Variants in DCAF6 observed in about 807,000 individuals in gnomAD.
The protein encoded by DCAF6 is DDB1 and CUL4 associated factor 6.
A neutral mutation model predicts 125.1 loss-of-function variants in DCAF6; 54 were observed. The observed-to-expected ratio is 0.43, with a 90% CI of 0.35 to 0.54. The LOEUF (loss-of-function observed/expected upper bound fraction) is 0.54, where lower values mean the gene tolerates loss of function less well. DCAF6 is among the 20% of genes least tolerant of loss of function. The probability of loss-of-function intolerance (pLI) is 0.01; values close to 1 mark genes in which losing one functional copy is unlikely to be tolerated. For missense variants in DCAF6, 934 were observed against 1,161.7 expected (o/e 0.80, Z 2.85); for synonymous variants, 371 against 390.4 (o/e 0.95, Z 0.58).
chr1:167,999,116 T>C (rs925974222), intron 7 of DCAF6, among the ~76,000 whole-genome samples: 1 of 152,186 alleles, frequency 6.6e-6, no homozygotes, highest in South Asian at 2.1e-4. Context: ...ATGAAAATGT[T>C]AATCTCCATG....
chr1:168,069,320 A>G (rs1692746434), intron 21 of DCAF6, among the ~76,000 whole-genome samples: 1 of 152,166 alleles, frequency 6.6e-6, no homozygotes, highest in African/African-American at 2.4e-5. Context: ...AAACCTCTGG[A>G]TGATCTAATC....
chr1:167,934,633 A>T (rs527764164), upstream of DCAF6, among the ~76,000 whole-genome samples: 1 of 152,318 alleles, frequency 6.6e-6, no homozygotes, highest in African/African-American at 2.4e-5. Context: ...ACCAGTTCAG[A>T]CTCCAGAGAG....
chr1:167,935,890 CG>C, upstream of DCAF6: 1 of 1,411,804 alleles, frequency 7.1e-7, no homozygotes, highest in East Asian at 2.5e-5. Context: ...GCTGTGTTCT[CG>C]TCCCTGGCTG....
intron 12 of DCAF6, among the ~76,000 whole-genome samples, chr1:168,030,857 G>C (rs1686996112): frequency 6.6e-6 from 1 of 152,210 alleles, no homozygotes; most frequent in Admixed American, 6.5e-5. Flanking sequence ...GAGATTAACA[G>C]GTGACTTTTT....
chr1:167,908,155 GT>G, the DCAF6 span, among the ~76,000 whole-genome samples: 1 of 152,114 alleles, frequency 6.6e-6, no homozygotes, highest in South Asian at 2.1e-4. Flanking sequence ...CAACCTAATT[GT>G]TCATCAACAT....
intron 1 of DCAF6, among the ~76,000 whole-genome samples, chr1:167,947,303 T>C (rs78754160): frequency 0.011 from 1,714 of 151,998 alleles, 27 homozygotes; most frequent in African/African-American, 0.039. Context: ...TTTTTTTATC[T>C]CTTTGAGGAA....
intron 21 of DCAF6, among the ~76,000 whole-genome samples, chr1:168,073,491 A>G (rs1220416107): frequency 6.6e-6 from 1 of 152,162 alleles, no homozygotes; most frequent in African/African-American, 2.4e-5. Flanking sequence ...TCTGTGACCT[A>G]TCGTAAGACT....
chr1:167,974,896 A>G lies in DCAF6; in HGVS notation c.319A>G (p.Asn107Asp). 2.5e-6 allele frequency: 4 copies of G among 1,606,946 alleles called. No individual in the cohort carries two copies. Among genetic ancestry groups the G allele is most frequent in the Non-Finnish European group, 3.4e-6 (4 of 1,176,670 alleles). Residue 107 changes from asparagine to aspartate, a missense_variant, in exon 4 of 22, where the codon AAT (asparagine) becomes GAT (aspartate). Physicochemically the swap from Asn to Asp is conservative, Grantham distance 23 (BLOSUM62 1). This residue lies in a region of DCAF6 where 309 missense variants were observed against 381.2 expected (regional missense o/e 0.81). Coordinates refer to ENST00000367840, the MANE Select transcript of DCAF6 (RefSeq NM_001198956.2). ...IFSAKFLPCT[N>D]DKQIVSCSGD... The stretch of plus-strand genomic sequence containing the variant: ...TAGTGCAAAGTTCTTACCTTGTACA[A>G]ATGATAAACAGATTGTATCCTGCTC...
At chr1:167,884,457 T>C in the DCAF6 span, among the ~76,000 whole-genome samples, 1 of 152,134 alleles carries the variant, frequency 6.6e-6, no homozygotes, top group Non-Finnish European at 1.5e-5. Context: ...TCCACCAACA[T>C]TGGGGATTAT....
At chr1:168,046,425 T>C (rs1186026867) in intron 16 of DCAF6, among the ~76,000 whole-genome samples, 1 of 152,172 alleles carries the variant, frequency 6.6e-6, no homozygotes, top group Non-Finnish European at 1.5e-5. Context: ...AGAGGATAGC[T>C]TGCAGCTCAG....
Position 167,993,383 on chromosome 1 carries a change from G to T in DCAF6, c.846G>T (p.Pro282=), listed in dbSNP as rs148884987. Residue 282 remains proline, a synonymous_variant, in exon 7 of 22, where the codon CCG becomes CCT. Transcript: ENST00000367840. ...YSSDYIYLFD[P]KDDTARELKT... The stretch of plus-strand genomic sequence containing the variant: ...CAGATTACATATATCTTTTTGACCC[G>T]AAAGATGATACAGCACGAGAACTTA... 6.2e-7 allele frequency: 1 copy of T among 1,613,660 alleles called. No individual in the cohort carries two copies. The highest frequency in any genetic ancestry group is 1.1e-5 in the South Asian group (1 of 91,064).
the DCAF6 span, chr1:167,883,512 C>T: frequency 1.1e-4 from 184 of 1,614,220 alleles, no homozygotes; most frequent in African/African-American, 2.3e-3. Flanking sequence ...TATAGGCATC[C>T]TGGATGGCTG....
chr1:167,996,562 A>G (rs1681732547), intron 7 of DCAF6, among the ~76,000 whole-genome samples: 2 of 152,108 alleles, frequency 1.3e-5, no homozygotes, highest in Non-Finnish European at 2.9e-5. Context: ...ACAGCATTCA[A>G]AGTGATCCTT....
At chr1:167,874,740 T>A in the DCAF6 span, among the ~76,000 whole-genome samples, 14 of 152,288 alleles carry the variant, frequency 9.2e-5, no homozygotes, top group East Asian at 2.7e-3. Flanking sequence ...ACAGAATGGG[T>A]AAATTGTTGT....
chr1:168,027,281 G>A (rs1686459663), intron 12 of DCAF6, among the ~76,000 whole-genome samples: 1 of 152,018 alleles, frequency 6.6e-6, no homozygotes, highest in Non-Finnish European at 1.5e-5. Flanking sequence ...ATAATGTCAG[G>A]TATAGGTGGT....
At chr1:167,948,584 T>G (rs1673444678) in intron 1 of DCAF6, among the ~76,000 whole-genome samples, 1 of 152,214 alleles carries the variant, frequency 6.6e-6, no homozygotes, top group South Asian at 2.1e-4. Flanking sequence ...GGTTTAATGA[T>G]TACACAACCA....
intron 12 of DCAF6, among the ~76,000 whole-genome samples, chr1:168,033,568 C>T (rs930987306): frequency 2.0e-5 from 3 of 152,090 alleles, no homozygotes; most frequent in Non-Finnish European, 2.9e-5. Flanking sequence ...CCACCCGCCT[C>T]GGCCTCCCAA....
upstream of DCAF6, chr1:167,935,662 G>T: frequency 7.8e-7 from 1 of 1,281,970 alleles, no homozygotes; most frequent in Non-Finnish European, 1.1e-6. Flanking sequence ...TTGTCAGAGG[G>T]CCTCTAAAAG....
chr1:167,946,320 CAG>C (rs1358857636), intron 1 of DCAF6, among the ~76,000 whole-genome samples: 1 of 152,166 alleles, frequency 6.6e-6, no homozygotes, highest in African/African-American at 2.4e-5. Flanking sequence ...CATCAGGAAA[CAG>C]GGATAATTTG....
Sources: allele counts gnomAD v4.1 joint callset (sites outside exome capture counted in the v4.1 genomes callset), GRCh38; gene constraint gnomAD v4.1.1; regional missense constraint gnomAD v4.1.1; transcripts MANE v1.5; gene names NCBI Gene and HGNC (gene_info 2026-07-23, HGNC 2026-07-21).